The following CADPS variants were observed in gnomAD, a reference collection of about 807,000 sequenced individuals.
CADPS encodes calcium dependent secretion activator, also known as calcium-dependent secretion activator 1.
Under a neutral mutation model 167.3 loss-of-function variants are expected in CADPS, and 57 were observed. The observed-to-expected ratio is 0.34, with a 90% CI of 0.28 to 0.42. CADPS has a LOEUF of 0.42. CADPS is among the 20% of genes least tolerant of loss of function. The pLI is 1.00. For missense variants in CADPS, 1,414 were observed against 1,738.1 expected (o/e 0.81, Z 3.32); for synonymous variants, 676 against 635.3 (o/e 1.06, Z -0.96).
chr3:62,434,955 T>C (rs2054684303), intron 28 of CADPS, among the ~76,000 whole-genome samples: 1 of 152,042 alleles, frequency 6.6e-6, no homozygotes, highest in Non-Finnish European at 1.5e-5. Flanking sequence ...AGAACATGCC[T>C]CTGAATGACA....
chr3:62,588,141 G>A (rs1405888008), intron 7 of CADPS, among the ~76,000 whole-genome samples: 2 of 152,140 alleles, frequency 1.3e-5, no homozygotes. Context: ...CCTGCTAGGG[G>A]GCTGCTTTAC....
intron 6 of CADPS, among the ~76,000 whole-genome samples, chr3:62,623,705 A>C (rs2063539547): frequency 6.6e-6 from 1 of 152,154 alleles, no homozygotes; most frequent in African/African-American, 2.4e-5. Flanking sequence ...AGGTAACCAG[A>C]CTTTTCAGCA....
intron 8 of CADPS, among the ~76,000 whole-genome samples, chr3:62,572,442 T>C (rs1017885649): frequency 8.5e-5 from 13 of 152,068 alleles, no homozygotes; most frequent in Admixed American, 2.0e-4. Flanking sequence ...ATGATTTTCA[T>C]CCTATTCCTG....
At chr3:62,687,753 G>A in intron 3 of CADPS, among the ~76,000 whole-genome samples, 1 of 43,970 alleles carries the variant, frequency 2.3e-5, no homozygotes, top group South Asian at 9.5e-4. Context: ...TTTTTTTTTT[G>A]CTTCTATCTT....
At chr3:62,562,844 A>G (rs80014922) in intron 9 of CADPS, among the ~76,000 whole-genome samples, 7,950 of 152,314 alleles carry the variant, frequency 0.052, 350 homozygotes, top group African/African-American at 0.12. Context: ...GGTTGCAGTG[A>G]CTGGTGCAAG....
At chr3:62,817,750 A>G (rs1391605837) in intron 1 of CADPS, among the ~76,000 whole-genome samples, 1 of 152,172 alleles carries the variant, frequency 6.6e-6, no homozygotes, top group East Asian at 1.9e-4. Flanking sequence ...AGAAGCCAAC[A>G]TTTTGGGTCA....
chr3:62,542,226 T>C (rs993888981), intron 11 of CADPS, among the ~76,000 whole-genome samples: 1 of 152,198 alleles, frequency 6.6e-6, no homozygotes, highest in African/African-American at 2.4e-5. Context: ...CTGTTGCTAC[T>C]CCTGATGGAT....
At chr3:62,532,320 A>G (rs1007912693) in intron 13 of CADPS, among the ~76,000 whole-genome samples, 1 of 152,200 alleles carries the variant, frequency 6.6e-6, no homozygotes, top group Non-Finnish European at 1.5e-5. Flanking sequence ...CATCAATCTG[A>G]ATGTAACTCT....
At chr3:62,504,956 T>G (rs1195528129) in intron 17 of CADPS, among the ~76,000 whole-genome samples, 1 of 152,186 alleles carries the variant, frequency 6.6e-6, no homozygotes, top group African/African-American at 2.4e-5. Flanking sequence ...TGAATATGAT[T>G]GATGGAAACT....
At chr3:62,733,948 C>T (rs1575614739) in intron 3 of CADPS, among the ~76,000 whole-genome samples, 1 of 152,284 alleles carries the variant, frequency 6.6e-6, no homozygotes, top group Middle Eastern at 3.4e-3. Context: ...TAATAGTTTT[C>T]CATTCCTGAG....
chr3:62,803,787 C>G (rs1045373789), intron 1 of CADPS, among the ~76,000 whole-genome samples: 3 of 152,076 alleles, frequency 2.0e-5, no homozygotes, highest in Admixed American at 2.0e-4. Flanking sequence ...TCCCAGGATA[C>G]GAGAGGATAA....
intron 1 of CADPS, among the ~76,000 whole-genome samples, chr3:62,848,112 T>A (rs1055359855): frequency 7.0e-6 from 1 of 143,020 alleles, no homozygotes; most frequent in African/African-American, 2.9e-5. Flanking sequence ...CTTCGCCCAC[T>A]TTTTGATGGG....
intron 3 of CADPS, among the ~76,000 whole-genome samples, chr3:62,679,602 G>A (rs1580282052): frequency 6.6e-6 from 1 of 152,090 alleles, no homozygotes; most frequent in East Asian, 1.9e-4. Context: ...GACCAATGGA[G>A]AGATAGTGAA....
chr3:62,431,611 G>A (rs933245521), intron 28 of CADPS, among the ~76,000 whole-genome samples: 19 of 150,944 alleles, frequency 1.3e-4, no homozygotes, highest in Admixed American at 9.3e-4. Flanking sequence ...CAATTGGCAC[G>A]GCAGTCCCTA....
chr3:62,680,572 T>C lies in CADPS; in HGVS notation c.889-18178A>G, dbSNP rs532317229. Among the ~76,000 whole-genome samples, 463 of 152,146 alleles carry C rather than the reference T, an allele frequency of 3.0e-3. 1 individual carries two copies. The highest frequency in any genetic ancestry group is 5.1e-3 in the Non-Finnish European group (350 of 67,988). Reference sequence around the variant, plus strand: ...TGTCTTTCTCTTCATTACCTATTTCTTCCTTACTTCAGCACCTTGACATGT... The same window carrying C: ...TGTCTTTCTCTTCATTACCTATTTCCTCCTTACTTCAGCACCTTGACATGT... On this transcript the variant is annotated intron_variant, in intron 3 of 29. Coordinates refer to ENST00000383710, the MANE Select transcript of CADPS (RefSeq NM_003716.4).
intron 5 of CADPS, 64 bp downstream of exon 5, chr3:62,650,783 G>T: frequency 1.7e-6 from 2 of 1,162,732 alleles, no homozygotes; most frequent in Non-Finnish European, 2.5e-6. Flanking sequence ...TGATTGTGAC[G>T]CATCTAATCG....
At chr3:62,472,725 A>G (rs1417686566) in intron 24 of CADPS, among the ~76,000 whole-genome samples, 1 of 152,222 alleles carries the variant, frequency 6.6e-6, no homozygotes, top group African/African-American at 2.4e-5. Context: ...CTACCATTTT[A>G]CAGATGAGGA....
At chr3:62,858,445 C>G (rs896887784) in intron 1 of CADPS, among the ~76,000 whole-genome samples, 1 of 152,076 alleles carries the variant, frequency 6.6e-6, no homozygotes, top group South Asian at 2.1e-4. Flanking sequence ...CACCTGGGCA[C>G]CTGTGAGCCA....
chr3:62,838,312 A>G (rs1375623421), intron 1 of CADPS, among the ~76,000 whole-genome samples: 2 of 152,194 alleles, frequency 1.3e-5, no homozygotes, highest in East Asian at 1.9e-4. Flanking sequence ...GAGAGACAAC[A>G]CTTGATTTAT....
Sources: allele counts gnomAD v4.1 joint callset (sites outside exome capture counted in the v4.1 genomes callset), GRCh38; gene constraint gnomAD v4.1.1; transcripts MANE v1.5; gene names NCBI Gene and HGNC (gene_info 2026-07-23, HGNC 2026-07-21).